Variants in FAM110C observed in about 807,000 individuals in gnomAD.
The protein encoded by FAM110C is family with sequence similarity 110 member C, also known as protein FAM110C.
FAM110C carries 19 observed loss-of-function variants against 15.7 expected under a neutral mutation model. The observed-to-expected ratio is 1.21, with a 90% CI of 0.85 to 1.78. The LOEUF is 1.78. Ranked by LOEUF, FAM110C falls within the 40% of genes most tolerant of loss-of-function variation. The pLI is 0.00. For missense variants in FAM110C, 547 were observed against 495.7 expected, an observed-to-expected ratio of 1.10 and a Z score of -0.98; for synonymous variants, 275 against 233.9, an observed-to-expected ratio of 1.18 and a Z score of -1.61.
intron 1 of FAM110C, 70 bp from the exon 2 acceptor site, chr2:41,697 C>T: frequency 1.2e-6 from 2 of 1,603,060 alleles, no homozygotes; most frequent in African/African-American, 1.3e-5. Context: ...GAAAACTAAA[C>T]ATTATACTGG....
Position 46,404 on chromosome 2 carries a change from G to C in FAM110C, c.-19C>G, listed in dbSNP as rs889370525. On this transcript the variant is annotated 5_prime_UTR_variant, in exon 1 of 2. Transcript: ENST00000327669. ...CGCGCATCTTCGCGGGGAATGGACC[G>C]ACCGGGGTTCCGGGTCCAGCGGAGA... is the stretch of plus-strand genomic sequence containing the variant. 4 of 1,263,648 alleles carry C rather than the reference G, an allele frequency of 3.2e-6. No individual in the cohort carries two copies. Among genetic ancestry groups the C allele is most frequent in the African/African-American group, 3.1e-5 (2 of 64,370 alleles). 78.3% of individuals were successfully genotyped at this position (1,263,648 alleles called of 1,614,324 possible). A position where few individuals can be genotyped will look rare whatever the true frequency, so the allele number is the denominator to read the frequency against.
intron 1 of FAM110C, chr2:43,584 A>T (rs1289193617): frequency 2.0e-6 from 2 of 985,292 alleles, no homozygotes; most frequent in East Asian, 2.3e-4. Flanking sequence ...AAGTCAACTA[A>T]ATTCTCATTC....
rs559707010 is a variant in FAM110C at position 40,509 on chromosome 2, T to C, written c.*1099A>G. 9 of 152,230 alleles carry C rather than the reference T, an allele frequency of 5.9e-5. No homozygotes were observed. The highest frequency in any genetic ancestry group is 9.6e-5 in the African/African-American group (4 of 41,456). 9.4% of individuals were successfully genotyped at this position (152,230 alleles called of 1,614,324 possible). On this transcript the variant is annotated 3_prime_UTR_variant, in exon 2 of 2. Coordinates refer to ENST00000327669, the MANE Select transcript of FAM110C (RefSeq NM_001077710.3). ...GTTCTGAATCTGAATCTATTCACTC[T>C]GGGTGTCATAAGCAAGTTCAGAATT...
intron 1 of FAM110C, chr2:44,979 G>A: frequency 1.0e-6 from 1 of 985,250 alleles, no homozygotes. Context: ...GCCTACCTAG[G>A]GCTGCAGGTG....
rs1664109580 is a variant in FAM110C, at chr2:40,996, T to C, written c.*612A>G. 1 of 152,198 alleles carries C rather than the reference T, an allele frequency of 6.6e-6. No individual in the cohort carries two copies. The highest frequency in any genetic ancestry group is 1.5e-5 in the Non-Finnish European group (1 of 68,036). 9.4% of individuals were successfully genotyped at this position (152,198 alleles called of 1,614,324 possible). A position where few individuals can be genotyped will look rare whatever the true frequency, so the allele number is the denominator to read the frequency against. ...ATGACCTTGTAGCCCTCAAGTTATT[T>C]TAAAAGTGCTTTCTGACTTGTTAAA... On this transcript the variant is annotated 3_prime_UTR_variant, in exon 2 of 2. Coordinates refer to ENST00000327669, the MANE Select transcript of FAM110C (RefSeq NM_001077710.3).
Position 39,342 on chromosome 2 carries a change from C to A in FAM110C, c.*2266G>T, listed in dbSNP as rs1664068391. On this transcript the variant is annotated 3_prime_UTR_variant, in exon 2 of 2. Transcript: ENST00000327669. ...TGGTGCAATCATGGTTCACTGCAAC[C>A]TTGAACCCCAAGGCACAAGTGATCC... is the stretch of plus-strand genomic sequence containing the variant. The A allele has an allele frequency of 6.6e-6, 1 of 152,324 alleles. No individual in the cohort carries two copies. 9.4% of individuals were successfully genotyped at this position (152,324 alleles called of 1,614,324 possible). A position where few individuals can be genotyped will look rare whatever the true frequency, so the allele number is the denominator to read the frequency against.
At chr2:44,017 C>T (rs1664205684) in intron 1 of FAM110C, 1 of 985,370 alleles carries the variant, frequency 1.0e-6, no homozygotes, top group African/African-American at 1.7e-5. Context: ...TGGTTTAGTG[C>T]TCTATCCACC....
At chr2:45,230 G>C in intron 1 of FAM110C, 4 of 985,452 alleles carry the variant, frequency 4.1e-6, no homozygotes, top group Non-Finnish European at 4.8e-6. Context: ...TGGACCAGCA[G>C]GTGCCTGGAT....
In FAM110C at chr2:46,279, G is replaced by A; in HGVS notation, c.107C>T (p.Ala36Val). ...GCGATCCGCCGCCAGCCTCTCCACT[G>A]CGCTCCTGCGCGCCGGCCGCGCGGC... ...PDAARPARRS[A>V]VERLAADRAK... The change falls in exon 1 of 2, where the codon GCA becomes GTA. Residue 36 changes from alanine to valine, a missense_variant. Transcript: ENST00000327669. 1 of 1,362,436 alleles carries A rather than the reference G, an allele frequency of 7.3e-7. No individual in the cohort carries two copies. Among genetic ancestry groups the A allele is most frequent in the Non-Finnish European group, 9.4e-7 (1 of 1,061,574 alleles). 84.4% of individuals were successfully genotyped at this position (1,362,436 alleles called of 1,614,324 possible).
intron 1 of FAM110C, chr2:42,730 A>G (rs1188820249): frequency 1.6e-6 from 1 of 617,190 alleles, no homozygotes; most frequent in Admixed American, 6.3e-5. Context: ...CACTTTTATT[A>G]TAAGTTGTAA....
rs570524274 is a variant in FAM110C at position 41,620 on chromosome 2, T to G, written c.954A>C (p.Lys318Asn). 7.1e-5 allele frequency: 114 copies of G among 1,613,532 alleles called. 1 individual carries two copies. The South Asian group carries it at 1.1e-3, about 16-fold the overall frequency. ...SQEQSRTRGSKPSR is the reference protein window; with the variant it reads ...SQEQSRTRGSNPSR The stretch of plus-strand genomic sequence containing the variant: ...CAAGAAGTCTTCATCATCGGGAAGG[T>G]TTGCTTCCTGAGGAGTTAAAGAAAA... Residue 318 changes from lysine (K) to asparagine (N), a missense_variant, in exon 2 of 2, where the codon AAA becomes AAC. Transcript: ENST00000327669.
intron 1 of FAM110C, chr2:42,380 T>C (rs745642921): frequency 4.5e-6 from 4 of 898,028 alleles, no homozygotes; most frequent in Non-Finnish European, 5.3e-6. Flanking sequence ...GGACAAGTTA[T>C]TTATGCCAGT....
In FAM110C at chr2:40,179, A is replaced by T. The variant is rs541346649; in HGVS notation, c.*1429T>A. On this transcript the variant is annotated 3_prime_UTR_variant, in exon 2 of 2. Transcript: ENST00000327669. Reference sequence around the variant, plus strand: ...ATGATTTAAAATTATACTGACAAAAACTAAAATCATATGAAGTAAAATAAA... The same window carrying T: ...ATGATTTAAAATTATACTGACAAAATCTAAAATCATATGAAGTAAAATAAA... The T allele has an allele frequency of 6.6e-6, 1 of 152,226 alleles. No homozygotes were observed. Among genetic ancestry groups the T allele is most frequent in the Admixed American group, 6.5e-5 (1 of 15,282 alleles). The allele number at this position is 152,226 out of a possible 1,614,324, so 9.4% of individuals were successfully genotyped here.
intron 1 of FAM110C, among the ~76,000 whole-genome samples, chr2:42,500 C>T (rs1362331340): frequency 6.6e-6 from 1 of 152,204 alleles, no homozygotes; most frequent in Non-Finnish European, 1.5e-5. Context: ...GACTACATCA[C>T]AGCAGATAAA....
At position 45,852 on chromosome 2, in the gene FAM110C, G is replaced by A; in HGVS notation, c.534C>T (p.Ser178=). The A allele has an allele frequency of 6.6e-7, 1 of 1,518,040 alleles. No individual in the cohort carries two copies. 94.0% of individuals were successfully genotyped at this position (1,518,040 alleles called of 1,614,324 possible). ...PAPAARSAAP[S]SVPAAPPGPE... ...GCCCAGGGGGCGCGGCCGGGACACTGGAGGGCGCCGCGGACCGCGCGGCTG... is the reference window on the plus strand; with the variant it reads ...GCCCAGGGGGCGCGGCCGGGACACTAGAGGGCGCCGCGGACCGCGCGGCTG... The change falls in exon 1 of 2, where the codon TCC becomes TCT. Residue 178 remains serine, a synonymous_variant. Transcript: ENST00000327669.
At chr2:44,385 C>T in intron 1 of FAM110C, 2 of 985,372 alleles carry the variant, frequency 2.0e-6, no homozygotes, top group South Asian at 9.4e-5. Context: ...TAGGTGAGCC[C>T]TGTGCAAACA....
rs536812957 is a variant in FAM110C, at chr2:45,736, G to T, written c.650C>A (p.Thr217Asn). The T allele has an allele frequency of 8.8e-6, 14 of 1,597,652 alleles. No homozygotes were observed. The highest frequency in any genetic ancestry group is 3.3e-4 in the Middle Eastern group (2 of 6,066). ...RYSAALAESD[T>N]FFQYCGLDPE... ...GTCCAGGCCGCAGTACTGGAAGAAGGTGTCAGACTCGGCCAAGGCAGCGGA... is the reference window on the plus strand; with the variant it reads ...GTCCAGGCCGCAGTACTGGAAGAAGTTGTCAGACTCGGCCAAGGCAGCGGA... Residue 217 changes from threonine (T) to asparagine (N), a missense_variant, in exon 1 of 2, where the codon ACC (threonine) becomes AAC (asparagine). Coordinates refer to ENST00000327669, the MANE Select transcript of FAM110C (RefSeq NM_001077710.3).
Position 45,511 on chromosome 2 carries a change from C to G in FAM110C, c.875G>C (p.Arg292Pro), listed in dbSNP as rs755487343. ...ACAGGTGTACAGCCACTTGATGATGCGGGCGTTCCTCTCGATGACCGAAGT... is the reference window on the plus strand; with the variant it reads ...ACAGGTGTACAGCCACTTGATGATGGGGGCGTTCCTCTCGATGACCGAAGT... ...STTSVIERNA[R>P]IIKWLYTCKK... Residue 292 changes from arginine to proline, a missense_variant, in exon 1 of 2, where the codon CGC becomes CCC. Physicochemically the swap from Arg to Pro is moderately radical, Grantham distance 103 (BLOSUM62 -2). Transcript: ENST00000327669. The G allele has an allele frequency of 6.2e-7, 1 of 1,614,128 alleles. No individual in the cohort carries two copies. The highest frequency in any genetic ancestry group is 8.5e-7 in the Non-Finnish European group (1 of 1,180,004).
Position 46,267 on chromosome 2 carries a change from A to G in FAM110C, c.119T>C (p.Leu40Pro). The change falls in exon 1 of 2, where the codon CTG becomes CCG. Residue 40 changes from leucine (L) to proline (P), a missense_variant. Transcript: ENST00000327669. ...RPARRSAVERLAADRAKYVRG... is the reference protein window; with the variant it reads ...RPARRSAVERPAADRAKYVRG... ...CACATACTTGGCGCGATCCGCCGCCAGCCTCTCCACTGCGCTCCTGCGCGC... is the reference window on the plus strand; with the variant it reads ...CACATACTTGGCGCGATCCGCCGCCGGCCTCTCCACTGCGCTCCTGCGCGC... The G allele has an allele frequency of 7.1e-7, 1 of 1,409,566 alleles. No individual in the cohort carries two copies. The highest frequency in any genetic ancestry group is 1.5e-5 in the African/African-American group (1 of 66,500). The allele number at this position is 1,409,566 out of a possible 1,614,324, so 87.3% of individuals were successfully genotyped here. A position where few individuals can be genotyped will look rare whatever the true frequency, so the allele number is the denominator to read the frequency against.
Sources: gnomAD v4.1 joint callset for allele counts (sites outside exome capture counted in the v4.1 genomes callset) on GRCh38, gnomAD v4.1.1 for gene constraint, MANE v1.5 for transcripts, NCBI Gene and HGNC (gene_info 2026-07-23, HGNC 2026-07-21) for gene names.